Variants in HERC1 observed in about 807,000 individuals in gnomAD.
HERC1 encodes HECT and RLD domain containing E3 ubiquitin protein ligase family member 1, also known as probable E3 ubiquitin-protein ligase HERC1.
Under a neutral mutation model 554.3 loss-of-function variants are expected in HERC1, and 160 were observed. The observed-to-expected ratio is 0.29, with a 90% confidence interval of 0.25 to 0.33. HERC1 has a LOEUF of 0.33. Among genes scored for constraint, HERC1 ranks in the 10% least tolerant of loss-of-function variants. HERC1 has a pLI of 1.00. For missense variants in HERC1, 4,919 were observed against 5,918.5 expected (o/e 0.83, Z 5.54); for synonymous variants, 2,175 against 2,131.7 (o/e 1.02, Z -0.56).
At chr15:63,666,181 C>T (rs1404225342) in intron 41 of HERC1, 31 bp from the exon 42 acceptor site, 1 of 1,559,976 alleles carries the variant, frequency 6.4e-7, no homozygotes, top group African/African-American at 1.4e-5. Flanking sequence ...CTGATGCTGA[C>T]TTTGGGCAAA....
At chr15:63,637,199 T>G (rs929162220) in intron 64 of HERC1, 3 of 498,526 alleles carry the variant, frequency 6.0e-6, no homozygotes, top group Non-Finnish European at 1.2e-5. Flanking sequence ...CATGCATGAT[T>G]GCTACTGCTA....
intron 54 of HERC1, among the ~76,000 whole-genome samples, 176 bp from the exon 55 acceptor site, chr15:63,648,375 T>C (rs566863002): frequency 2.0e-5 from 3 of 152,386 alleles, no homozygotes; most frequent in South Asian, 2.1e-4. Context: ...CCATGTAACA[T>C]ACTTTTTAAA....
In HERC1 at chr15:63,692,280, T is replaced by C. The variant is rs377128369; in HGVS notation, c.5830+131A>G. On this transcript the variant is annotated intron_variant, in intron 31 of 77. Coordinates refer to ENST00000443617, the MANE Select transcript of HERC1 (RefSeq NM_003922.4). The surrounding 1 kb of genome is among the most constrained non-coding windows in gnomAD (Gnocchi z 4.7). The stretch of plus-strand genomic sequence containing the variant: ...TAGAGTTTTCTTTTGATCAAATAGG[T>C]ACGCAGAAAATAAGAAAGAAAAGCC... 1 of 628,318 alleles carries C rather than the reference T, an allele frequency of 1.6e-6. No homozygotes were observed. The highest frequency in any genetic ancestry group is 2.6e-6 in the Non-Finnish European group (1 of 391,064). 38.9% of individuals were successfully genotyped at this position (628,318 alleles called of 1,614,324 possible). A position where few individuals can be genotyped will look rare whatever the true frequency, so the allele number is the denominator to read the frequency against.
chr15:63,817,630 G>A (rs1291965011), intron 1 of HERC1, among the ~76,000 whole-genome samples: 16 of 152,116 alleles, frequency 1.1e-4, no homozygotes, highest in Admixed American at 9.8e-4. Flanking sequence ...CACGAGAGTC[G>A]CTTGAACCCA....
chr15:63,814,470 G>T (rs1157990057), intron 1 of HERC1, among the ~76,000 whole-genome samples: 1 of 152,008 alleles, frequency 6.6e-6, no homozygotes, highest in Non-Finnish European at 1.5e-5. Flanking sequence ...GGAGGTTTTT[G>T]TTTTTTTGAG....
At chr15:63,688,136 C>G (rs2071887353) in intron 33 of HERC1, among the ~76,000 whole-genome samples, 1 of 152,126 alleles carries the variant, frequency 6.6e-6, no homozygotes, top group Non-Finnish European at 1.5e-5. Context: ...AAGGTTACTG[C>G]ATAGTTCAGG....
At chr15:63,764,018 A>T in intron 3 of HERC1, 78 bp downstream of exon 3, 1 of 961,918 alleles carries the variant, frequency 1.0e-6, no homozygotes, top group Non-Finnish European at 1.6e-6. Context: ...GAGAAAATGG[A>T]TTATTTTTAA....
At chr15:63,668,161 A>G (rs1414854444) in intron 40 of HERC1, among the ~76,000 whole-genome samples, 1 of 152,234 alleles carries the variant, frequency 6.6e-6, no homozygotes, top group Non-Finnish European at 1.5e-5. Flanking sequence ...CAAAATAGAA[A>G]GAAGGTGGAT....
At chr15:63,818,710 T>C (rs2077580326) in intron 1 of HERC1, among the ~76,000 whole-genome samples, 1 of 152,204 alleles carries the variant, frequency 6.6e-6, no homozygotes, top group Non-Finnish European at 1.5e-5. Flanking sequence ...TTCAAACTAT[T>C]CTCAAAAGAA....
chr15:63,698,655 C>T, intron 26 of HERC1, 73 bp downstream of exon 26: 1 of 1,432,540 alleles, frequency 7.0e-7, no homozygotes, highest in Non-Finnish European at 9.4e-7. Flanking sequence ...AAGGTTTTCC[C>T]TAGAACTATA....
chr15:63,687,336 G>C (rs1335457629), intron 33 of HERC1, among the ~76,000 whole-genome samples: 1 of 152,106 alleles, frequency 6.6e-6, no homozygotes, highest in Non-Finnish European at 1.5e-5. Flanking sequence ...TCAGTAGTTT[G>C]AGATCAGCCT....
chr15:63,825,990 T>G (rs1011888680), intron 1 of HERC1, among the ~76,000 whole-genome samples: 1 of 152,072 alleles, frequency 6.6e-6, no homozygotes, highest in Non-Finnish European at 1.5e-5. Flanking sequence ...CTCAAACTCC[T>G]GACCTCAGGT....
At chr15:63,741,011 T>C (rs1368899367) in intron 12 of HERC1, among the ~76,000 whole-genome samples, 3 of 152,114 alleles carry the variant, frequency 2.0e-5, no homozygotes, top group Non-Finnish European at 2.9e-5. Flanking sequence ...GTGATAAAGA[T>C]TTACATCTAT....
chr15:63,765,269 G>A (rs778139960), intron 2 of HERC1, among the ~76,000 whole-genome samples: 1 of 151,948 alleles, frequency 6.6e-6, no homozygotes, highest in African/African-American at 2.4e-5. Flanking sequence ...TTCTCCTCCA[G>A]CCTGCTTACC....
intron 76 of HERC1, among the ~76,000 whole-genome samples, chr15:63,613,417 C>G (rs1243926281): frequency 1.3e-5 from 2 of 152,060 alleles, no homozygotes; most frequent in Admixed American, 6.6e-5. Flanking sequence ...GTAGTGCATA[C>G]CCTACACACA....
At chr15:63,808,137 AT>A (rs1396981766) in intron 1 of HERC1, among the ~76,000 whole-genome samples, 8 of 151,502 alleles carry the variant, frequency 5.3e-5, no homozygotes, top group Non-Finnish European at 1.0e-4. Context: ...AAAAAAAAAA[AT>A]ACATCACTAC....
rs1398309460 is a variant in HERC1, at chr15:63,669,655, G to A, written c.8089C>T (p.Arg2697Cys). Reference protein sequence around the residue: ...SYPTTTVLPTRRAQTPPISSL... With the variant: ...SYPTTTVLPTCRAQTPPISSL... The stretch of plus-strand genomic sequence containing the variant: ...GATATTGGAGGAGTCTGTGCCCGAC[G>A]TGTGGGAAGTACAGTGGTAGTTGGG... Residue 2697 changes from arginine to cysteine, a missense_variant, in exon 40 of 78, where the codon CGT becomes TGT. By Grantham distance (180) the Arg-to-Cys change is radical. Around this residue, in one of 11 missense-constraint regions of HERC1, gnomAD observed 1,963 missense variants for 2,228.6 expected, o/e 0.88. Coordinates refer to ENST00000443617, the MANE Select transcript of HERC1 (RefSeq NM_003922.4). 1.9e-6 allele frequency: 3 copies of A among 1,613,794 alleles called. No individual in the cohort carries two copies. Among genetic ancestry groups the A allele is most frequent in the African/African-American group, 1.3e-5 (1 of 74,942 alleles).
chr15:63,712,766 T>G lies in HERC1; in HGVS notation c.4584+9A>C. 1 of 1,612,578 alleles carries G rather than the reference T, an allele frequency of 6.2e-7. No homozygotes were observed. On this transcript the variant is annotated intron_variant, in intron 24 of 77. Transcript: ENST00000443617. ...AAAATCTTTCTTTACTGAATCTGGG[T>G]ATACCTACCAGTGCGTAACCCTCTT...
rs1192602359 is a variant in HERC1, at chr15:63,686,432, A to G, written c.6152T>C (p.Leu2051Ser). 1 of 1,613,764 alleles carries G rather than the reference A, an allele frequency of 6.2e-7. No homozygotes were observed. Among genetic ancestry groups the G allele is most frequent in the East Asian group, 2.2e-5 (1 of 44,888 alleles). The change falls in exon 34 of 78, where the codon TTA (leucine) becomes TCA (serine). Residue 2051 changes from leucine (L) to serine (S), a missense_variant. By Grantham distance (145) the Leu-to-Ser change is moderately radical (BLOSUM62 -2). This residue lies in a region of HERC1 where 85 missense variants were observed against 163.2 expected (regional missense o/e 0.52). Coordinates refer to ENST00000443617, the MANE Select transcript of HERC1 (RefSeq NM_003922.4). ...TCCTTTCCCTCCACTGCCGTGAGTT[A>G]AAATCTGTCCATTCTCCACTAGGCA... Reference protein sequence around the residue: ...QCCLVENGQILTHGSGGKGYG... With the variant: ...QCCLVENGQISTHGSGGKGYG...
Sources: gnomAD v4.1 joint callset for allele counts (sites outside exome capture counted in the v4.1 genomes callset) on GRCh38, gnomAD v4.1.1 for gene constraint, gnomAD v4.1.1 regional missense constraint, Gnocchi (gnomAD v3.1) non-coding constraint, MANE v1.5 for transcripts, NCBI Gene and HGNC (gene_info 2026-07-23, HGNC 2026-07-21) for gene names.